The following SLC25A26 variants were observed in gnomAD, a reference collection of about 807,000 sequenced individuals.
The protein encoded by SLC25A26 is solute carrier family 25 member 26.
Under a neutral mutation model 37.8 loss-of-function variants are expected in SLC25A26, and 36 were observed. The observed-to-expected ratio is 0.95, with a 90% confidence interval of 0.73 to 1.26. The LOEUF (loss-of-function observed/expected upper bound fraction) is 1.26. Ranked by LOEUF, SLC25A26 falls within the 50% of genes most tolerant of loss-of-function variation. The probability of loss-of-function intolerance (pLI) is 0.00; values close to 1 mark genes in which losing one functional copy is unlikely to be tolerated. For missense variants in SLC25A26, 390 were observed against 331.1 expected, an observed-to-expected ratio of 1.18 and a Z score of -1.38; for synonymous variants, 129 against 122.5, an observed-to-expected ratio of 1.05 and a Z score of -0.35.
intron 3 of SLC25A26, among the ~76,000 whole-genome samples, chr3:66,247,088 TCTC>T (rs566962796): frequency 1.3e-3 from 191 of 151,878 alleles, no homozygotes; most frequent in African/African-American, 4.2e-3. Flanking sequence ...ATGGTCTTGA[TCTC>T]CTGACTTCGT....
At position 66,377,804 on chromosome 3, in the gene SLC25A26, T is replaced by G; in HGVS notation, c.822T>G (p.Pro274=). The G allele has an allele frequency of 6.2e-7, 1 of 1,612,450 alleles. No individual in the cohort carries two copies. Among genetic ancestry groups the G allele is most frequent in the South Asian group, 1.1e-5 (1 of 91,048 alleles). ...SLLLEVGRKS[P] is the part of the protein sequence containing the mutation. The stretch of plus-strand genomic sequence containing the variant: ...TGTTGGAAGTTGGCAGAAAGAGTCC[T>G]TGAAGCAGAGACAAGCCTCACCTCC... The change falls in exon 10 of 10, where the codon CCT becomes CCG. Residue 274 remains proline, a synonymous_variant. Coordinates refer to ENST00000354883, the MANE Select transcript of SLC25A26 (RefSeq NM_001379210.1).
At chr3:66,266,581 T>TC (rs2073761026) in intron 5 of SLC25A26, among the ~76,000 whole-genome samples, 1 of 150,108 alleles carries the variant, frequency 6.7e-6, no homozygotes, top group Admixed American at 6.6e-5. Flanking sequence ...TCACACTTTT[T>TC]TTTTTTTTTT....
At chr3:66,189,034 A>G (rs2070885622) in intron 1 of SLC25A26, among the ~76,000 whole-genome samples, 1 of 152,094 alleles carries the variant, frequency 6.6e-6, no homozygotes, top group Non-Finnish European at 1.5e-5. Flanking sequence ...CTCCTCATCT[A>G]GATACACACA....
intron 1 of SLC25A26, among the ~76,000 whole-genome samples, chr3:66,144,299 G>GT (rs970498888): frequency 6.6e-6 from 1 of 152,156 alleles, no homozygotes; most frequent in African/African-American, 2.4e-5. Context: ...TAGCCTGAGT[G>GT]TAAGTACAGT....
chr3:66,299,128 A>G (rs931428503), intron 5 of SLC25A26, among the ~76,000 whole-genome samples: 22 of 152,312 alleles, frequency 1.4e-4, no homozygotes, highest in Non-Finnish European at 2.4e-4. Context: ...ATATGTATGT[A>G]TACAGTTCAT....
At chr3:66,281,420 G>T (rs558382765) in intron 5 of SLC25A26, among the ~76,000 whole-genome samples, 2 of 152,278 alleles carry the variant, frequency 1.3e-5, no homozygotes, top group South Asian at 4.1e-4. Context: ...CTTGTCTGAA[G>T]CATTTGTTAC....
At chr3:66,182,043 A>G (rs1332522579) in intron 1 of SLC25A26, among the ~76,000 whole-genome samples, 2 of 152,086 alleles carry the variant, frequency 1.3e-5, no homozygotes, top group Admixed American at 1.3e-4. Context: ...ATATATTATA[A>G]ATAGAGCCTT....
chr3:66,314,406 G>T (rs1037421068), intron 5 of SLC25A26, among the ~76,000 whole-genome samples: 2 of 152,122 alleles, frequency 1.3e-5, no homozygotes, highest in African/African-American at 4.8e-5. Context: ...CTGTTTATGT[G>T]ATGAATTATG....
intron 1 of SLC25A26, among the ~76,000 whole-genome samples, chr3:66,227,993 T>C (rs1254215120): frequency 1.3e-5 from 2 of 152,372 alleles, no homozygotes; most frequent in East Asian, 3.9e-4. Context: ...TTAAAGATTA[T>C]CTCCAAATTT....
At chr3:66,262,658 T>G (rs1478474472) in intron 4 of SLC25A26, among the ~76,000 whole-genome samples, 1 of 152,194 alleles carries the variant, frequency 6.6e-6, no homozygotes, top group Non-Finnish European at 1.5e-5. Context: ...ATGGAAGCCT[T>G]TTTTTAAAAA....
Position 66,365,549 on chromosome 3 carries a change from C to G in SLC25A26, c.568+2620C>G, listed in dbSNP as rs551795469. 2.6e-5 allele frequency among the ~76,000 whole-genome samples: 4 copies of G among 152,212 alleles called. No individual in the cohort carries two copies. The East Asian group carries it at 7.7e-4, about 29-fold the overall frequency. Reference sequence around the variant, plus strand: ...TGCTACTATAGTGGTATTTGGTACTCTAGTATATTTTGATTAGTTTCTCAT... The same window carrying G: ...TGCTACTATAGTGGTATTTGGTACTGTAGTATATTTTGATTAGTTTCTCAT... On this transcript the variant is annotated intron_variant, in intron 7 of 9. Coordinates refer to ENST00000354883, the MANE Select transcript of SLC25A26 (RefSeq NM_001379210.1).
At chr3:66,274,750 A>C (rs944459342) in intron 5 of SLC25A26, among the ~76,000 whole-genome samples, 1 of 152,136 alleles carries the variant, frequency 6.6e-6, no homozygotes, top group African/African-American at 2.4e-5. Context: ...GTCAGGAAAC[A>C]ACAGGTGCTG....
intron 7 of SLC25A26, among the ~76,000 whole-genome samples, chr3:66,365,829 G>T (rs564421688): frequency 2.0e-5 from 3 of 152,276 alleles, no homozygotes; most frequent in African/African-American, 7.2e-5. Flanking sequence ...GGGGTATGGT[G>T]GTGCTCTTCT....
rs114273364 is a variant in SLC25A26 at position 66,268,448 on chromosome 3, A to G, written c.453+5069A>G. 2.5e-3 allele frequency among the ~76,000 whole-genome samples: 387 copies of G among 152,344 alleles called. 2 individuals carry two copies. The highest frequency in any genetic ancestry group is 9.1e-3 in the African/African-American group (380 of 41,560). The stretch of plus-strand genomic sequence containing the variant: ...CAAAACATGATGTCATTGTAGTTCT[A>G]ATTTTAATTACAAGTAAGACTGGAC... On this transcript the variant is annotated intron_variant, in intron 5 of 9. Coordinates refer to ENST00000354883, the MANE Select transcript of SLC25A26 (RefSeq NM_001379210.1).
rs139804640 is a variant in SLC25A26, at chr3:66,368,009, A to G, written c.569-1469A>G. ...GTGTGACATTCAGGGGTAACCAGAA[A>G]TGGACCATGAGGGCATAAATAGGTA... On this transcript the variant is annotated intron_variant, in intron 7 of 9. Transcript: ENST00000354883. Among the ~76,000 whole-genome samples the G allele has an allele frequency of 3.5e-3, 529 of 152,308 alleles. 1 individual carries two copies. Among genetic ancestry groups the G allele is most frequent in the Admixed American group, 4.8e-3 (73 of 15,310 alleles).
chr3:66,188,018 C>A (rs1244081617), intron 1 of SLC25A26, among the ~76,000 whole-genome samples: 1 of 152,132 alleles, frequency 6.6e-6, no homozygotes, highest in East Asian at 1.9e-4. Context: ...ATGTCTCTGA[C>A]CTTGACTTAG....
chr3:66,210,544 C>G (rs2071271114), intron 1 of SLC25A26, among the ~76,000 whole-genome samples: 1 of 151,656 alleles, frequency 6.6e-6, no homozygotes, highest in Non-Finnish European at 1.5e-5. Context: ...AGATGGGGGT[C>G]TCACTCTGTC....
chr3:66,263,458 A>G, intron 5 of SLC25A26, 79 bp downstream of exon 5: 3 of 855,938 alleles, frequency 3.5e-6, no homozygotes, highest in African/African-American at 1.7e-5. Context: ...CTTAACAATT[A>G]GAAATATATT....
chr3:66,355,184 C>G (rs1351579934), intron 6 of SLC25A26, among the ~76,000 whole-genome samples: 2 of 152,062 alleles, frequency 1.3e-5, no homozygotes, highest in Non-Finnish European at 2.9e-5. Flanking sequence ...GTCCATCTTG[C>G]TTTTGCTTAA....
Sources: gnomAD v4.1 joint callset for allele counts (sites outside exome capture counted in the v4.1 genomes callset) on GRCh38, gnomAD v4.1.1 for gene constraint, MANE v1.5 for transcripts, NCBI Gene and HGNC (gene_info 2026-07-23, HGNC 2026-07-21) for gene names.